The following KLF12 variants were observed in gnomAD, a reference collection of about 807,000 sequenced individuals.
KLF12 encodes Krueppel-like factor 12.
Under a neutral mutation model 37.8 loss-of-function variants are expected in KLF12, and 9 were observed. The ratio of observed to expected loss-of-function variants is 0.24; its 90% CI spans 0.14 to 0.42. The LOEUF is 0.42. KLF12 is among the 10% of genes least tolerant of loss of function. The pLI is 1.00. For synonymous variants in KLF12, 208 were observed against 202.1 expected (o/e 1.03, Z -0.25); for missense variants, 411 against 516.0 (o/e 0.80, Z 1.97).
the KLF12 span, among the ~76,000 whole-genome samples, chr13:74,168,067 G>T: frequency 4.0e-4 from 61 of 152,322 alleles, no homozygotes; most frequent in African/African-American, 1.1e-3. Context: ...AAAACAGCGT[G>T]CATCTTTCAT....
chr13:73,821,009 C>A (rs1883496813), intron 4 of KLF12, among the ~76,000 whole-genome samples: 1 of 152,206 alleles, frequency 6.6e-6, no homozygotes, highest in African/African-American at 2.4e-5. Flanking sequence ...TTTAGTGCTA[C>A]AAAACAGGAT....
At chr13:73,933,723 T>C (rs1348741671) in intron 3 of KLF12, among the ~76,000 whole-genome samples, 4 of 152,174 alleles carry the variant, frequency 2.6e-5, no homozygotes, top group African/African-American at 7.2e-5. Flanking sequence ...CTTTGAACTA[T>C]ACAAAGCAAT....
the KLF12 span, among the ~76,000 whole-genome samples, chr13:74,221,285 C>T: frequency 6.6e-6 from 1 of 152,138 alleles, no homozygotes; most frequent in Non-Finnish European, 1.5e-5. Flanking sequence ...GGATTACAGG[C>T]GTGAGCCACC....
intron 5 of KLF12, among the ~76,000 whole-genome samples, chr13:73,781,794 T>TA (rs1880981957): frequency 6.6e-6 from 1 of 151,884 alleles, no homozygotes; most frequent in Non-Finnish European, 1.5e-5. Context: ...AGCACAGGCC[T>TA]AAAAAACTGC....
At position 73,715,454 on chromosome 13, in the gene KLF12, C is replaced by T. The variant is rs1361186909; in HGVS notation, c.941G>A (p.Arg314Gln). The change falls in exon 7 of 8, where the codon CGG (arginine) becomes CAG (glutamine). Residue 314 changes from arginine (R) to glutamine (Q), a missense_variant. By Grantham distance (43) the Arg-to-Gln change is conservative. Transcript: ENST00000377669. ...CTCAAAATCACATCTGTGGATACGC[C>T]GTTTTCTGGAGTCTGGGGATTCAGA... 9 of 1,613,892 alleles carry T rather than the reference C, an allele frequency of 5.6e-6. No homozygotes were observed. Among genetic ancestry groups the T allele is most frequent in the African/African-American group, 4.0e-5 (3 of 74,866 alleles).
chr13:74,303,503 G>A, the KLF12 span, among the ~76,000 whole-genome samples: 3 of 152,090 alleles, frequency 2.0e-5, no homozygotes, highest in Non-Finnish European at 4.4e-5. Context: ...TAAATGGGTA[G>A]GGTAAAGAAC....
intron 6 of KLF12, among the ~76,000 whole-genome samples, chr13:73,747,199 T>C (rs1878431850): frequency 6.6e-6 from 1 of 152,064 alleles, no homozygotes; most frequent in Non-Finnish European, 1.5e-5. Flanking sequence ...ACTTATAGTC[T>C]AAGAGAGGCA....
At chr13:74,095,693 A>G (rs1875942123) in intron 1 of KLF12, among the ~76,000 whole-genome samples, 1 of 152,174 alleles carries the variant, frequency 6.6e-6, no homozygotes, top group Non-Finnish European at 1.5e-5. Context: ...TCCACCTTTC[A>G]TTGTAACTTT....
At chr13:73,766,162 T>G (rs1279322910) in intron 5 of KLF12, among the ~76,000 whole-genome samples, 1 of 152,182 alleles carries the variant, frequency 6.6e-6, no homozygotes, top group African/African-American at 2.4e-5. Context: ...AGCACAGATT[T>G]TCTGCTCGGC....
rs554058751 is a variant in KLF12 at position 74,071,680 on chromosome 13, G to A, written c.-32+62059C>T. ...TGCACTCCAGCCTGGGCGACAGAGC[G>A]AGACTCCGTCTCAAAAAAGAAAAAA... On this transcript the variant is annotated intron_variant, in intron 1 of 7. Transcript: ENST00000377669. Among the ~76,000 whole-genome samples the A allele has an allele frequency of 9.5e-4, 145 of 152,250 alleles. No individual in the cohort carries two copies. In the South Asian group the frequency reaches 0.024, roughly 25 times the overall value.
chr13:73,823,648 T>C (rs767207714), intron 4 of KLF12, among the ~76,000 whole-genome samples: 5 of 152,242 alleles, frequency 3.3e-5, no homozygotes, highest in African/African-American at 9.6e-5. Flanking sequence ...ATTATTTATA[T>C]ACATACTGTT....
the KLF12 span, among the ~76,000 whole-genome samples, chr13:74,183,244 A>G: frequency 6.6e-6 from 1 of 152,180 alleles, no homozygotes. Flanking sequence ...GTACTCTACA[A>G]GAGGAACCAG....
chr13:73,865,440 A>G (rs531976589), intron 3 of KLF12, among the ~76,000 whole-genome samples: 1 of 152,340 alleles, frequency 6.6e-6, no homozygotes, highest in Admixed American at 6.5e-5. Context: ...GTAAAAGTGC[A>G]TTTTAAGACA....
At position 73,693,418 on chromosome 13, in the gene KLF12, T is replaced by C. The variant is rs912062567; in HGVS notation, c.*2072A>G. On this transcript the variant is annotated 3_prime_UTR_variant, in exon 8 of 8. Transcript: ENST00000377669. Reference sequence around the variant, plus strand: ...ACTGCAGCCCTTGTTGGAGGGAAATTGCTTGATGAATTTTTGAGACCTGGC... The same window carrying C: ...ACTGCAGCCCTTGTTGGAGGGAAATCGCTTGATGAATTTTTGAGACCTGGC... 2.6e-5 allele frequency: 4 copies of C among 152,220 alleles called. No individual in the cohort carries two copies. Among genetic ancestry groups the C allele is most frequent in the Admixed American group, 6.6e-5 (1 of 15,264 alleles). The allele number at this position is 152,220 out of a possible 1,614,324, so 9.4% of individuals were successfully genotyped here. A position where few individuals can be genotyped will look rare whatever the true frequency, so the allele number is the denominator to read the frequency against.
At chr13:74,276,942 C>T in the KLF12 span, among the ~76,000 whole-genome samples, 1 of 152,158 alleles carries the variant, frequency 6.6e-6, no homozygotes, top group African/African-American at 2.4e-5. Flanking sequence ...CTTCAGGTAC[C>T]CACTTCTGCC....
chr13:73,748,519 C>T (rs6562783), intron 6 of KLF12, among the ~76,000 whole-genome samples: 52,719 of 151,904 alleles, frequency 0.35, 10,462 homozygotes, highest in African/African-American at 0.54. Context: ...GTTCTCTTCT[C>T]TCTCCACTTT....
chr13:74,191,074 A>T, the KLF12 span, among the ~76,000 whole-genome samples: 4 of 152,232 alleles, frequency 2.6e-5, no homozygotes, highest in Non-Finnish European at 4.4e-5. Flanking sequence ...CTTAATGTGA[A>T]CCAAAATAAC....
At chr13:74,093,054 T>C (rs1300680842) in intron 1 of KLF12, among the ~76,000 whole-genome samples, 1 of 152,210 alleles carries the variant, frequency 6.6e-6, no homozygotes, top group African/African-American at 2.4e-5. Context: ...AGAAACTGGA[T>C]CCATCCTTGA....
chr13:73,956,926 A>G (rs1317328367), intron 2 of KLF12, among the ~76,000 whole-genome samples: 2 of 151,378 alleles, frequency 1.3e-5, no homozygotes, highest in Non-Finnish European at 2.9e-5. Flanking sequence ...TGTGAAAGAA[A>G]GGAAGGAAAG....
Sources: allele counts gnomAD v4.1 joint callset (sites outside exome capture counted in the v4.1 genomes callset), GRCh38; gene constraint gnomAD v4.1.1; transcripts MANE v1.5; gene names NCBI Gene and HGNC (gene_info 2026-07-23, HGNC 2026-07-21).